The following LARS2 variants were observed in gnomAD, a reference collection of about 807,000 sequenced individuals.
LARS2 encodes leucyl-tRNA synthetase 2, mitochondrial.
A neutral mutation model predicts 116.6 loss-of-function variants in LARS2; 81 were observed. The ratio of observed to expected loss-of-function variants is 0.69; its 90% CI spans 0.58 to 0.84. The LOEUF is 0.84. LARS2 is among the 40% of genes least tolerant of loss of function. The pLI is 0.00. For synonymous variants in LARS2, 396 were observed against 407.2 expected (o/e 0.97, Z 0.33); for missense variants, 968 against 1,114.5 (o/e 0.87, Z 1.87).
At chr3:45,526,456 G>A (rs1418421658) in intron 20 of LARS2, among the ~76,000 whole-genome samples, 1 of 152,142 alleles carries the variant, frequency 6.6e-6, no homozygotes, top group African/African-American at 2.4e-5. Context: ...CAAGACATGA[G>A]CCGCAACATA....
At chr3:45,488,959 T>A (rs1699865702) in intron 12 of LARS2, 147 bp downstream of exon 12, 2 of 642,232 alleles carry the variant, frequency 3.1e-6, no homozygotes, top group Non-Finnish European at 5.7e-6. Context: ...AACAAAATAA[T>A]ATTCTTCAAG....
intron 7 of LARS2, among the ~76,000 whole-genome samples, chr3:45,453,430 G>A (rs1325371888): frequency 6.6e-6 from 1 of 152,200 alleles, no homozygotes; most frequent in African/African-American, 2.4e-5. Flanking sequence ...CCTAATTTAT[G>A]AGTCTGTCTT....
chr3:45,415,004 C>A (rs1440589431), intron 4 of LARS2, among the ~76,000 whole-genome samples: 1 of 152,100 alleles, frequency 6.6e-6, no homozygotes, highest in African/African-American at 2.4e-5. Context: ...TGAGACTGTC[C>A]CCTGATGCCA....
chr3:45,396,063 AT>A (rs1382215028), intron 3 of LARS2, among the ~76,000 whole-genome samples: 1 of 152,226 alleles, frequency 6.6e-6, no homozygotes, highest in East Asian at 1.9e-4. Flanking sequence ...TTAGATAATC[AT>A]TTATTGACTT....
intron 20 of LARS2, among the ~76,000 whole-genome samples, chr3:45,525,406 A>G (rs1575313634): frequency 6.6e-6 from 1 of 152,208 alleles, no homozygotes; most frequent in East Asian, 1.9e-4. Context: ...TATGTACCAT[A>G]TCTACAGTTT....
At chr3:45,468,179 A>T (rs202061289) in intron 8 of LARS2, among the ~76,000 whole-genome samples, 3 of 152,292 alleles carry the variant, frequency 2.0e-5, no homozygotes, top group East Asian at 3.9e-4. Context: ...ATTTATTTAC[A>T]CATCTTCTTT....
chr3:45,519,540 G>A (rs996085542), intron 18 of LARS2, among the ~76,000 whole-genome samples: 2 of 146,694 alleles, frequency 1.4e-5, no homozygotes, highest in South Asian at 2.2e-4. Flanking sequence ...TCTAAAAACC[G>A]TCACTGTGAA....
At chr3:45,516,868 A>G (rs544859680) in intron 17 of LARS2, among the ~76,000 whole-genome samples, 6 of 152,134 alleles carry the variant, frequency 3.9e-5, no homozygotes, top group Non-Finnish European at 8.8e-5. Flanking sequence ...TTTAGTACTA[A>G]AATGACATGA....
intron 6 of LARS2, among the ~76,000 whole-genome samples, chr3:45,444,745 T>G (rs1312214399): frequency 6.6e-6 from 1 of 150,420 alleles, no homozygotes; most frequent in East Asian, 1.9e-4. Context: ...ATTCATCGGC[T>G]TAGAGAAAAA....
intron 6 of LARS2, among the ~76,000 whole-genome samples, chr3:45,444,487 C>G (rs190994840): frequency 0.017 from 1 of 60 alleles, no homozygotes. Context: ...AACGGTGAAA[C>G]CCCCATCTCT....
chr3:45,465,978 C>G (rs1699417984), intron 8 of LARS2, among the ~76,000 whole-genome samples: 1 of 152,216 alleles, frequency 6.6e-6, no homozygotes, highest in Non-Finnish European at 1.5e-5. Flanking sequence ...AAAACTTCTG[C>G]AGTCTCTGGG....
chr3:45,535,557 A>C (rs769810888), intron 20 of LARS2, among the ~76,000 whole-genome samples: 3 of 152,180 alleles, frequency 2.0e-5, no homozygotes, highest in Non-Finnish European at 4.4e-5. Flanking sequence ...TATTCCATTT[A>C]TATAACAGTC....
At chr3:45,485,289 T>A (rs1038838740) in intron 10 of LARS2, among the ~76,000 whole-genome samples, 26 of 152,324 alleles carry the variant, frequency 1.7e-4, no homozygotes, top group African/African-American at 6.3e-4. Context: ...CATTTTCTAC[T>A]CCCTCTCCAC....
rs1437530511 is a variant in LARS2 at position 45,548,451 on chromosome 3, A to T, written c.*921A>T. The T allele has an allele frequency of 1.3e-5, 2 of 152,278 alleles. No individual in the cohort carries two copies. Among genetic ancestry groups the T allele is most frequent in the Non-Finnish European group, 1.5e-5 (1 of 68,078 alleles). 9.4% of individuals were successfully genotyped at this position (152,278 alleles called of 1,614,324 possible). ...CCAGATGGCAATGCCACCATTGTTGATGTGACTCCAGAGCCAGTTATTAGG... is the reference window on the plus strand; with the variant it reads ...CCAGATGGCAATGCCACCATTGTTGTTGTGACTCCAGAGCCAGTTATTAGG... On this transcript the variant is annotated 3_prime_UTR_variant, in exon 22 of 22. Coordinates refer to ENST00000645846, the MANE Select transcript of LARS2 (RefSeq NM_015340.4).
intron 4 of LARS2, among the ~76,000 whole-genome samples, chr3:45,400,776 G>A (rs1384921883): frequency 6.6e-6 from 1 of 152,040 alleles, no homozygotes; most frequent in East Asian, 1.9e-4. Flanking sequence ...ATTTCTTTCT[G>A]TTCTATTTGA....
intron 11 of LARS2, among the ~76,000 whole-genome samples, chr3:45,488,013 G>A (rs1053725483): frequency 2.6e-5 from 4 of 152,068 alleles, no homozygotes; most frequent in East Asian, 1.9e-4. Flanking sequence ...AGTCAGCCCC[G>A]CTTCTTGAGA....
chr3:45,509,195 G>A (rs1326252476), intron 15 of LARS2, among the ~76,000 whole-genome samples: 1 of 152,074 alleles, frequency 6.6e-6, no homozygotes, highest in Non-Finnish European at 1.5e-5. Context: ...AGTCAGAACG[G>A]TTTGTTAGTG....
chr3:45,393,279 GA>G (rs1559453387), intron 2 of LARS2, among the ~76,000 whole-genome samples: 1 of 151,986 alleles, frequency 6.6e-6, no homozygotes, highest in Admixed American at 6.6e-5. Flanking sequence ...TAAGTGCTAC[GA>G]AAGAAGGGAC....
chr3:45,427,620 A>C (rs1451174640), intron 6 of LARS2, among the ~76,000 whole-genome samples: 27 of 152,198 alleles, frequency 1.8e-4, no homozygotes. Flanking sequence ...AGACATATAT[A>C]GACTAGAGCA....
Sources: gnomAD v4.1 joint callset for allele counts (sites outside exome capture counted in the v4.1 genomes callset) on GRCh38, gnomAD v4.1.1 for gene constraint, MANE v1.5 for transcripts, NCBI Gene and HGNC (gene_info 2026-07-23, HGNC 2026-07-21) for gene names.